SCNN1A: variants seen among roughly 807,000 people sequenced by gnomAD.
The protein encoded by SCNN1A is epithelial sodium channel subunit alpha.
A neutral mutation model predicts 68.6 loss-of-function variants in SCNN1A; 65 were observed. The ratio of observed to expected loss-of-function variants is 0.95; its 90% CI spans 0.78 to 1.16. The LOEUF (loss-of-function observed/expected upper bound fraction) is 1.16, where lower values mean the gene tolerates loss of function less well. Ranked by LOEUF, SCNN1A falls within the 50% of genes most tolerant of loss-of-function variation. The pLI, the probability that SCNN1A is intolerant of heterozygous loss-of-function variation, is 0.00. For synonymous variants in SCNN1A, 357 were observed against 353.3 expected (o/e 1.01, Z -0.12); for missense variants, 880 against 865.9 (o/e 1.02, Z -0.20).
At chr12:6,349,876 G>T in intron 8 of SCNN1A, 1 of 168,460 alleles carries the variant, frequency 5.9e-6, no homozygotes, top group South Asian at 1.2e-4. Flanking sequence ...ACAGGCGCCC[G>T]CCACCACGCC....
At position 6,371,523 on chromosome 12, in the gene SCNN1A, C is replaced by CG. The variant is rs1226618558; in HGVS notation, c.416+2844dup. 3.5e-4 allele frequency among the ~76,000 whole-genome samples: 22 copies of CG among 62,300 alleles called. No individual in the cohort carries two copies. In the East Asian group the frequency reaches 8.5e-3, roughly 24 times the overall value. The allele number at this position is 62,300 out of a possible 152,430, so 40.9% of individuals were successfully genotyped here. On this transcript the variant is annotated intron_variant, in intron 2 of 12. Transcript: ENST00000228916. Reference sequence around the variant, plus strand: ...GCCCTGGCTTTCCATTGGAGCGTGGCGGGGGGGCGGGGGGTGGGGGTGAGG... The same window carrying CG: ...GCCCTGGCTTTCCATTGGAGCGTGGCGGGGGGGGCGGGGGGTGGGGGTGAGG...
chr12:6,360,436 C>T (rs552293845), intron 4 of SCNN1A, among the ~76,000 whole-genome samples: 4 of 151,732 alleles, frequency 2.6e-5, no homozygotes, highest in Admixed American at 6.6e-5. Flanking sequence ...AGGGAGGCAT[C>T]GGGTGAGGGC....
At chr12:6,369,015 G>A (rs567342257) in intron 2 of SCNN1A, among the ~76,000 whole-genome samples, 32 of 152,268 alleles carry the variant, frequency 2.1e-4, no homozygotes, top group Admixed American at 1.0e-3. Flanking sequence ...CCAGGAAAGC[G>A]AATTTGCCTT....
intron 2 of SCNN1A, among the ~76,000 whole-genome samples, chr12:6,368,035 G>A (rs556497759): frequency 4.6e-5 from 7 of 152,314 alleles, no homozygotes; most frequent in Admixed American, 2.6e-4. Flanking sequence ...AGACTTGCTC[G>A]TTATTTATAA....
chr12:6,366,655 C>T (rs985717242), intron 2 of SCNN1A, among the ~76,000 whole-genome samples: 15 of 152,032 alleles, frequency 9.9e-5, no homozygotes, highest in Admixed American at 3.9e-4. Flanking sequence ...GCAAAATTAG[C>T]CGGGCGTGGT....
In SCNN1A at chr12:6,349,304, T is replaced by C. The variant is rs759119974; in HGVS notation, c.1439+23A>G. 198 of 1,613,488 alleles carry C rather than the reference T, an allele frequency of 1.2e-4. 3 individuals carry two copies. The highest frequency in any genetic ancestry group is 1.2e-3 in the South Asian group (111 of 91,078). ...GGTAACCTGTATTCTACCCAACCTG[T>C]ACCCGGGGAAGGGGACACTAACCTG... is the stretch of plus-strand genomic sequence containing the variant. On this transcript the variant is annotated intron_variant, in intron 9 of 12. Coordinates refer to ENST00000228916, the MANE Select transcript of SCNN1A (RefSeq NM_001038.6).
rs1277910969 is a variant in SCNN1A at position 6,353,650 on chromosome 12, C to T, written c.1360+788G>A. ...TGTCACCCAGGCTGGAGTGCAATGG[C>T]GTGATCTCAGCTCACTGCAGGCTCC... On this transcript the variant is annotated intron_variant, in intron 8 of 12. Coordinates refer to ENST00000228916, the MANE Select transcript of SCNN1A (RefSeq NM_001038.6). 2.9e-5 allele frequency: 3 copies of T among 103,324 alleles called. No homozygotes were observed. The Admixed American group carries it at 2.9e-4, about 10-fold the overall frequency. The allele number at this position is 103,324 out of a possible 1,614,324, so 6.4% of individuals were successfully genotyped here.
At chr12:6,370,615 C>G (rs1309092240) in intron 2 of SCNN1A, among the ~76,000 whole-genome samples, 2 of 152,228 alleles carry the variant, frequency 1.3e-5, no homozygotes, top group African/African-American at 2.4e-5. Flanking sequence ...CAACTCTCAA[C>G]AGTCCAGGCT....
At chr12:6,362,274 G>A (rs751486061) in intron 3 of SCNN1A, 33 bp from the exon 4 acceptor site, 6 of 1,594,518 alleles carry the variant, frequency 3.8e-6, no homozygotes, top group East Asian at 4.5e-5. Context: ...GAGGGGACAC[G>A]CAGCCGGGGA....
At chr12:6,370,897 G>A (rs1459268710) in intron 2 of SCNN1A, among the ~76,000 whole-genome samples, 1 of 152,110 alleles carries the variant, frequency 6.6e-6, no homozygotes, top group African/African-American at 2.4e-5. Context: ...ACCGTTCCTG[G>A]GACTGGATGA....
rs531838244 is a variant in SCNN1A, at chr12:6,374,933, G to T, written c.-54-96C>A. 6.3e-7 allele frequency: 1 copy of T among 1,592,614 alleles called. No homozygotes were observed. The highest frequency in any genetic ancestry group is 8.6e-7 in the Non-Finnish European group (1 of 1,169,086). ...CCCTCTCCCATCACCCCTGGAACCC[G>T]AGTGAGGCTGCCCCTGGCCATGCCC... On this transcript the variant is annotated intron_variant, in intron 1 of 12. Coordinates refer to ENST00000228916, the MANE Select transcript of SCNN1A (RefSeq NM_001038.6). This position sits in a 1 kb window ranked among gnomAD's most constrained non-coding sequence, Gnocchi z 6.2.
At chr12:6,364,378 G>A (rs1948639890) in intron 2 of SCNN1A, among the ~76,000 whole-genome samples, 1 of 152,164 alleles carries the variant, frequency 6.6e-6, no homozygotes, top group African/African-American at 2.4e-5. Flanking sequence ...GGGCCTGAGG[G>A]ATGTCATCTA....
chr12:6,349,074 TCAAA>T, intron 10 of SCNN1A, 69 bp from the exon 11 acceptor site: 10 of 1,604,248 alleles, frequency 6.2e-6, no homozygotes, highest in Non-Finnish European at 8.5e-6. Flanking sequence ...TAGGGTTGTG[TCAAA>T]CACACTCATA....
At position 6,357,555 on chromosome 12, in the gene SCNN1A, C is replaced by CAAA. The variant is rs10677875; in HGVS notation, c.876-1678_876-1676dup. 2.7e-4 allele frequency among the ~76,000 whole-genome samples: 38 copies of CAAA among 142,294 alleles called. 1 individual carries two copies. Among genetic ancestry groups the CAAA allele is most frequent in the African/African-American group, 8.3e-4 (33 of 39,850 alleles). The allele number at this position is 142,294 out of a possible 152,430, so 93.4% of individuals were successfully genotyped here. Reference sequence around the variant, plus strand: ...TGCACACTACAGCGAGACTCTGTCTCAAAAAAAAAAATAGTAAGAGGTGAA... The same window carrying CAAA: ...TGCACACTACAGCGAGACTCTGTCTCAAAAAAAAAAAAAATAGTAAGAGGTGAA... On this transcript the variant is annotated intron_variant, in intron 4 of 12. Transcript: ENST00000228916.
In SCNN1A at chr12:6,354,648, A is replaced by C. The variant is rs1948462839; in HGVS notation, c.1243-93T>G. ...CTCCATCCTCTTTCCACCACCCCCC[A>C]GTTTCCCTCTCTCTCTCTCACATAC... On this transcript the variant is annotated intron_variant, in intron 7 of 12. Coordinates refer to ENST00000228916, the MANE Select transcript of SCNN1A (RefSeq NM_001038.6). 4 of 1,408,858 alleles carry C rather than the reference A, an allele frequency of 2.8e-6. No homozygotes were observed. In the South Asian group the frequency reaches 3.5e-5, roughly 12 times the overall value. The allele number at this position is 1,408,858 out of a possible 1,614,324, so 87.3% of individuals were successfully genotyped here.
chr12:6,374,579 GGA>G lies in SCNN1A; in HGVS notation c.203_204del (p.Ile68ThrfsTer76), dbSNP rs765835593. 1.2e-6 allele frequency: 2 copies of G among 1,614,110 alleles called. No homozygotes were observed. The highest frequency in any genetic ancestry group is 2.2e-5 in the South Asian group (2 of 91,078). On this transcript the variant is annotated frameshift_variant, in exon 2 of 13. Transcript: ENST00000228916. LOFTEE classifies it high-confidence loss of function. The surrounding 1 kb of genome is among the most constrained non-coding windows in gnomAD (Gnocchi z 6.2). ...GAGCACACCAGGCGGATGGCGCCGT[GGA>G]TGGTGGTGTTGTTGCAGAAGAACTC... ...LFEFFCNNTT[I>X]HGAIRLVCSQ...
At position 6,351,697 on chromosome 12, in the gene SCNN1A, C is replaced by T. The variant is rs2136857871; in HGVS notation, c.1361-2292G>A. ...AGAGAGAAAGAAAGAATCGTGGTTG[C>T]CCAAGGGCTGGCAGTGGTGGAGGAG... On this transcript the variant is annotated intron_variant, in intron 8 of 12. Coordinates refer to ENST00000228916, the MANE Select transcript of SCNN1A (RefSeq NM_001038.6). This position sits in a 1 kb window ranked among gnomAD's most constrained non-coding sequence, Gnocchi z 4.2. 6.6e-6 allele frequency among the ~76,000 whole-genome samples: 1 copy of T among 151,314 alleles called. No homozygotes were observed. The highest frequency in any genetic ancestry group is 2.4e-5 in the African/African-American group (1 of 41,252).
intron 6 of SCNN1A, 111 bp from the exon 7 acceptor site, chr12:6,354,959 C>T (rs895471270): frequency 9.6e-6 from 9 of 938,512 alleles, no homozygotes; most frequent in African/African-American, 1.6e-5. Flanking sequence ...CTCCTACTGG[C>T]CTCGCCCTCT....
At position 6,347,927 on chromosome 12, in the gene SCNN1A, A is replaced by T; in HGVS notation, c.1956T>A (p.Ser652=). ...PAYATLGPRP[S]PGGSAGASSS... is the part of the protein sequence containing the mutation. ...AACTGGCCCCTGCAGAGCCCCCTGG[A>T]GATGGGCGGGGGCCCAGGGTGGCAT... The change falls in exon 13 of 13, where the codon TCT becomes TCA. Residue 652 remains serine, a synonymous_variant. Coordinates refer to ENST00000228916, the MANE Select transcript of SCNN1A (RefSeq NM_001038.6). The T allele has an allele frequency of 1.3e-6, 2 of 1,589,664 alleles. No homozygotes were observed. Among genetic ancestry groups the T allele is most frequent in the Admixed American group, 3.5e-5 (2 of 56,840 alleles).
Sources: allele counts gnomAD v4.1 joint callset (sites outside exome capture counted in the v4.1 genomes callset), GRCh38; gene constraint gnomAD v4.1.1; non-coding constraint Gnocchi (gnomAD v3.1); transcripts MANE v1.5; gene names NCBI Gene and HGNC (gene_info 2026-07-23, HGNC 2026-07-21).